FKBP5: variants seen among roughly 807,000 people sequenced by gnomAD.
FKBP5 encodes the protein peptidyl-prolyl cis-trans isomerase FKBP5.
Under a neutral mutation model 50.5 loss-of-function variants are expected in FKBP5, and 23 were observed. The ratio of observed to expected loss-of-function variants is 0.46; its 90% CI spans 0.33 to 0.65. FKBP5 has a LOEUF of 0.65. Ranked by LOEUF, FKBP5 falls within the 30% of genes least tolerant of loss-of-function variation. The pLI is 0.02. For synonymous variants in FKBP5, 176 were observed against 190.6 expected (o/e 0.92, Z 0.63); for missense variants, 411 against 553.1 (o/e 0.74, Z 2.58).
chr6:35,699,864 T>C (rs944606765), intron 2 of FKBP5, among the ~76,000 whole-genome samples: 1 of 152,096 alleles, frequency 6.6e-6, no homozygotes, highest in Admixed American at 6.6e-5. Flanking sequence ...CTGGTCAACA[T>C]GGCGAAACCC....
intron 3 of FKBP5, among the ~76,000 whole-genome samples, chr6:35,631,642 T>C (rs1359497313): frequency 2.0e-5 from 3 of 152,132 alleles, no homozygotes; most frequent in Non-Finnish European, 4.4e-5. Context: ...ATTATACTAA[T>C]TGTACAAAGA....
chr6:35,610,849 G>A (rs1389471055), intron 5 of FKBP5, among the ~76,000 whole-genome samples: 1 of 152,118 alleles, frequency 6.6e-6, no homozygotes, highest in Non-Finnish European at 1.5e-5. Flanking sequence ...TCCATCTTCT[G>A]AGATGTGAGA....
chr6:35,711,473 C>A (rs1251100268), intron 2 of FKBP5, among the ~76,000 whole-genome samples: 1 of 152,014 alleles, frequency 6.6e-6, no homozygotes, highest in Non-Finnish European at 1.5e-5. Flanking sequence ...CAAAAATTAG[C>A]TGGGCTTGGT....
At chr6:35,592,007 G>T (rs1367537758) in intron 6 of FKBP5, among the ~76,000 whole-genome samples, 1 of 152,124 alleles carries the variant, frequency 6.6e-6, no homozygotes, top group African/African-American at 2.4e-5. Context: ...AATGTATTCG[G>T]GAAGCAGATA....
chr6:35,629,110 T>C (rs144840889), intron 3 of FKBP5, among the ~76,000 whole-genome samples: 243 of 152,234 alleles, frequency 1.6e-3, no homozygotes, highest in African/African-American at 5.5e-3. Flanking sequence ...AATTAATTTA[T>C]GTATTTTGTT....
intron 3 of FKBP5, among the ~76,000 whole-genome samples, chr6:35,622,637 C>T (rs1210190386): frequency 2.0e-5 from 3 of 152,112 alleles, no homozygotes; most frequent in Non-Finnish European, 4.4e-5. Flanking sequence ...CTTTGGTATC[C>T]TACTGTGTGC....
chr6:35,678,521 G>C (rs1765583493), intron 1 of FKBP5, among the ~76,000 whole-genome samples: 1 of 152,150 alleles, frequency 6.6e-6, no homozygotes. Context: ...TTATTCTACA[G>C]ATACGGAGTA....
chr6:35,673,541 GA>G (rs927628663), intron 1 of FKBP5, among the ~76,000 whole-genome samples: 20 of 149,244 alleles, frequency 1.3e-4, no homozygotes, highest in African/African-American at 4.9e-4. Flanking sequence ...TGTCTCAAAA[GA>G]AAAAAAAAGA....
chr6:35,583,010 C>T, intron 8 of FKBP5: 1 of 902,574 alleles, frequency 1.1e-6, no homozygotes, highest in Non-Finnish European at 1.3e-6. Flanking sequence ...TCTCTTAAGT[C>T]CAGGAGTTCG....
At chr6:35,589,094 ATATATATATATATTTT>A (rs1158717793) in intron 7 of FKBP5, among the ~76,000 whole-genome samples, 12 of 115,444 alleles carry the variant, frequency 1.0e-4, no homozygotes, top group Admixed American at 9.0e-5. Context: ...ATATATTTTT[ATATATATATATATTTT>A]TATATATATA....
At chr6:35,718,351 C>T (rs551439629) in intron 2 of FKBP5, among the ~76,000 whole-genome samples, 1 of 152,314 alleles carries the variant, frequency 6.6e-6, no homozygotes, top group East Asian at 1.9e-4. Flanking sequence ...GTTTCTAAGA[C>T]CTAGCAGTAG....
chr6:35,580,044 A>G lies in FKBP5; in HGVS notation c.1018T>C (p.Cys340Arg). Residue 340 changes from cysteine (C) to arginine (R), a missense_variant, in exon 9 of 11, where the codon TGT (cysteine) becomes CGT (arginine). Cys to Arg is a radical substitution (Grantham distance 180). Transcript: ENST00000357266. ...LREYTKAVECCDKALGLDSAN... is the reference protein window; with the variant it reads ...LREYTKAVECRDKALGLDSAN... ...AGGAGACACGATGTTACCTTGTCACAGCATTCAACAGCTTTGGTGTATTCT... is the reference window on the plus strand; with the variant it reads ...AGGAGACACGATGTTACCTTGTCACGGCATTCAACAGCTTTGGTGTATTCT... 6.2e-7 allele frequency: 1 copy of G among 1,613,710 alleles called. No individual in the cohort carries two copies. Among genetic ancestry groups the G allele is most frequent in the Non-Finnish European group, 8.5e-7 (1 of 1,179,638 alleles).
rs1208240009 is a variant in FKBP5, at chr6:35,574,016, A to C, written c.*1819T>G. 1 of 152,246 alleles carries C rather than the reference A, an allele frequency of 6.6e-6. No individual in the cohort carries two copies. The highest frequency in any genetic ancestry group is 1.9e-4 in the East Asian group (1 of 5,202). The allele number at this position is 152,246 out of a possible 1,614,324, so 9.4% of individuals were successfully genotyped here. A position where few individuals can be genotyped will look rare whatever the true frequency, so the allele number is the denominator to read the frequency against. ...TTTCAATCTTGGCCTCACTGGAACC[A>C]TGCTCTACAGAGCTTTCCCAACAGT... On this transcript the variant is annotated 3_prime_UTR_variant, in exon 11 of 11. Coordinates refer to ENST00000357266, the MANE Select transcript of FKBP5 (RefSeq NM_004117.4).
chr6:35,719,980 C>T (rs1766582693), intron 2 of FKBP5, among the ~76,000 whole-genome samples: 1 of 152,150 alleles, frequency 6.6e-6, no homozygotes, highest in South Asian at 2.1e-4. Flanking sequence ...TAACCCCAGG[C>T]AGTGTTGCTG....
chr6:35,627,195 T>C (rs1328194704), intron 3 of FKBP5, among the ~76,000 whole-genome samples: 1 of 152,240 alleles, frequency 6.6e-6, no homozygotes, highest in African/African-American at 2.4e-5. Flanking sequence ...GGGTAATACT[T>C]CACTGTGGTT....
chr6:35,680,384 C>T lies in FKBP5; in HGVS notation c.-20+8420G>A, dbSNP rs530740635. ...GTTCCAGGCTGCAGTGAGCTATGAT[C>T]GCACTACTGCACTCCAGACTGGGCA... On this transcript the variant is annotated intron_variant, in intron 1 of 10. Coordinates refer to ENST00000357266, the MANE Select transcript of FKBP5 (RefSeq NM_004117.4). Among the ~76,000 whole-genome samples, 57 of 152,260 alleles carry T rather than the reference C, an allele frequency of 3.7e-4. No homozygotes were observed. In the South Asian group the frequency reaches 8.7e-3, roughly 23 times the overall value.
At chr6:35,681,057 C>T (rs1452179493) in intron 1 of FKBP5, among the ~76,000 whole-genome samples, 4 of 152,152 alleles carry the variant, frequency 2.6e-5, no homozygotes, top group African/African-American at 4.8e-5. Flanking sequence ...AGACAGCCAA[C>T]GATTCTTTTT....
At chr6:35,672,761 T>TG (rs1765423128) in intron 1 of FKBP5, among the ~76,000 whole-genome samples, 1 of 145,670 alleles carries the variant, frequency 6.9e-6, no homozygotes. Context: ...TTGTCTCTAC[T>TG]AAAAAAAAAA....
intron 2 of FKBP5, among the ~76,000 whole-genome samples, chr6:35,704,709 ATT>A (rs34727090): frequency 0.028 from 4,281 of 150,326 alleles, 190 homozygotes; most frequent in African/African-American, 0.097. Context: ...TGACAATATG[ATT>A]TTTTTTTTTG....
Sources: allele counts gnomAD v4.1 joint callset (sites outside exome capture counted in the v4.1 genomes callset), GRCh38; gene constraint gnomAD v4.1.1; transcripts MANE v1.5; gene names NCBI Gene and HGNC (gene_info 2026-07-23, HGNC 2026-07-21).